BFAR: variants seen among roughly 807,000 people sequenced by gnomAD.
BFAR encodes the protein RING finger protein 47.
Under a neutral mutation model 54.4 loss-of-function variants are expected in BFAR, and 52 were observed. The ratio of observed to expected loss-of-function variants is 0.96; its 90% confidence interval spans 0.77 to 1.21. BFAR has a LOEUF of 1.21. Ranked by LOEUF, BFAR falls within the 50% of genes most tolerant of loss-of-function variation. The pLI is 0.00. For missense variants in BFAR, 571 were observed against 534.0 expected, an observed-to-expected ratio of 1.07 and a Z score of -0.68; for synonymous variants, 215 against 204.3, an observed-to-expected ratio of 1.05 and a Z score of -0.45.
Position 14,667,793 on chromosome 16 carries a change from A to G in BFAR, c.1319A>G (p.Lys440Arg), listed in dbSNP as rs1960485447. The part of the protein sequence containing the change: ...NPIINIDLVV[K>R]ELRRLETQVL ...ATTATTAACATTGATCTTGTGGTCA[A>G]GGAACTCCGGCGGCTGGAAACCCAG... The change falls in exon 8 of 8, where the codon AAG becomes AGG. Residue 440 changes from lysine (K) to arginine (R), a missense_variant. Coordinates refer to ENST00000261658, the MANE Select transcript of BFAR (RefSeq NM_016561.3). 1.2e-6 allele frequency: 2 copies of G among 1,614,204 alleles called. No individual in the cohort carries two copies. The highest frequency in any genetic ancestry group is 8.5e-7 in the Non-Finnish European group (1 of 1,180,038).
chr16:14,640,151 C>CAAAAAAAAAA (rs549719277), intron 1 of BFAR, among the ~76,000 whole-genome samples: 95 of 110,314 alleles, frequency 8.6e-4, no homozygotes, highest in African/African-American at 3.0e-3. Context: ...GACCTAGCTC[C>CAAAAAAAAAA]AAAAAAAAAA....
rs148848533 is a variant in BFAR, at chr16:14,660,920, G to C, written c.784-972G>C. ...TGTCTCAAAAAAATAAAAAAATTAAGAGACTGGGTCTTGCTTTGTTGCTCA... is the reference window on the plus strand; with the variant it reads ...TGTCTCAAAAAAATAAAAAAATTAACAGACTGGGTCTTGCTTTGTTGCTCA... On this transcript the variant is annotated intron_variant, in intron 5 of 7. Coordinates refer to ENST00000261658, the MANE Select transcript of BFAR (RefSeq NM_016561.3). 4.0e-3 allele frequency among the ~76,000 whole-genome samples: 613 copies of C among 151,834 alleles called. 6 individuals carry two copies. The highest frequency in any genetic ancestry group is 0.014 in the African/African-American group (577 of 41,434).
chr16:14,662,352 G>C (rs980332470), intron 6 of BFAR, among the ~76,000 whole-genome samples: 1 of 151,828 alleles, frequency 6.6e-6, no homozygotes, highest in African/African-American at 2.4e-5. Flanking sequence ...TTCCCCCAAA[G>C]ACCCTTGTAA....
chr16:14,644,231 A>G, intron 1 of BFAR, 43 bp from the exon 2 acceptor site: 1 of 1,070,738 alleles, frequency 9.3e-7, no homozygotes, highest in South Asian at 1.5e-5. Context: ...CTCTTCAAAC[A>G]ACTACTATTT....
rs1352256233 is a variant in BFAR, at chr16:14,644,689, CAG to C, written c.263+84_263+85del. 21 of 1,290,140 alleles carry C rather than the reference CAG, an allele frequency of 1.6e-5. No individual in the cohort carries two copies. In the African/African-American group the frequency reaches 3.1e-4, roughly 19 times the overall value. 79.9% of individuals were successfully genotyped at this position (1,290,140 alleles called of 1,614,324 possible). ...CTTGCTTTTTTTTTTTTTTTTTTAA[CAG>C]AGATGGCGTCTCGCTATGTTGCCCA... On this transcript the variant is annotated intron_variant, in intron 2 of 7. Coordinates refer to ENST00000261658, the MANE Select transcript of BFAR (RefSeq NM_016561.3).
chr16:14,637,318 G>C (rs2151834421), intron 1 of BFAR, among the ~76,000 whole-genome samples: 1 of 152,182 alleles, frequency 6.6e-6, no homozygotes, highest in Non-Finnish European at 1.5e-5. Context: ...TACTTTATCA[G>C]GATAATGGCG....
At chr16:14,634,190 T>C (rs1454101081) in intron 1 of BFAR, among the ~76,000 whole-genome samples, 5 of 152,216 alleles carry the variant, frequency 3.3e-5, no homozygotes, top group African/African-American at 7.2e-5. Context: ...AAATCGCCAA[T>C]AGGAAAGAGC....
At chr16:14,646,397 A>G (rs1959795883) in intron 2 of BFAR, among the ~76,000 whole-genome samples, 1 of 151,858 alleles carries the variant, frequency 6.6e-6, no homozygotes, top group Non-Finnish European at 1.5e-5. Flanking sequence ...AGTTTTGGCC[A>G]GGCTGGTCTC....
At chr16:14,644,635 A>G in intron 2 of BFAR, 26 bp downstream of exon 2, 4 of 1,596,572 alleles carry the variant, frequency 2.5e-6, no homozygotes, top group Non-Finnish European at 3.4e-6. Context: ...TATTGGTAGC[A>G]CAAACAGCCC....
chr16:14,638,904 C>A (rs1959535900), intron 1 of BFAR, among the ~76,000 whole-genome samples: 1 of 151,098 alleles, frequency 6.6e-6, no homozygotes, highest in African/African-American at 2.4e-5. Flanking sequence ...GAGATTGCAC[C>A]ACTGCACTGT....
At chr16:14,633,261 G>T (rs957970102) in intron 1 of BFAR, 1 of 152,292 alleles carries the variant, frequency 6.6e-6, no homozygotes, top group African/African-American at 2.4e-5. Flanking sequence ...CCGCACAGCC[G>T]GTCGCTGGGC....
At position 14,669,195 on chromosome 16, in the gene BFAR, T is replaced by C. The variant is rs1960529083; in HGVS notation, c.*1368T>C. 1 of 312,550 alleles carries C rather than the reference T, an allele frequency of 3.2e-6. No individual in the cohort carries two copies. Among genetic ancestry groups the C allele is most frequent in the Admixed American group, 4.0e-5 (1 of 25,052 alleles). The allele number at this position is 312,550 out of a possible 1,614,324, so 19.4% of individuals were successfully genotyped here. On this transcript the variant is annotated 3_prime_UTR_variant, in exon 8 of 8. Coordinates refer to ENST00000261658, the MANE Select transcript of BFAR (RefSeq NM_016561.3). ...GTTGCATCTGGAAGTTCGAAGAAAT[T>C]ACTTGAAATAAAAATAAAGATTTCT...
intron 5 of BFAR, among the ~76,000 whole-genome samples, chr16:14,657,999 G>A (rs1960176683): frequency 6.6e-6 from 1 of 152,204 alleles, no homozygotes; most frequent in Non-Finnish European, 1.5e-5. Flanking sequence ...GGGGCTACAG[G>A]CACAGGCTAC....
chr16:14,639,361 G>A (rs1399444449), intron 1 of BFAR, among the ~76,000 whole-genome samples: 2 of 151,808 alleles, frequency 1.3e-5, no homozygotes, highest in Non-Finnish European at 2.9e-5. Flanking sequence ...AGGCTGGAGT[G>A]CAGTGGTGCA....
At chr16:14,653,038 C>T (rs750215941) in intron 4 of BFAR, among the ~76,000 whole-genome samples, 1 of 152,160 alleles carries the variant, frequency 6.6e-6, no homozygotes, top group Middle Eastern at 3.2e-3. Context: ...AGAAATTCAC[C>T]TCCCGCAAAA....
chr16:14,650,063 C>T, intron 4 of BFAR, 90 bp downstream of exon 4: 5 of 1,359,412 alleles, frequency 3.7e-6, no homozygotes, highest in South Asian at 1.6e-5. Flanking sequence ...TGGCTCACAC[C>T]TGGATCCCAG....
At chr16:14,661,529 G>A (rs1960287789) in intron 5 of BFAR, among the ~76,000 whole-genome samples, 1 of 149,872 alleles carries the variant, frequency 6.7e-6, no homozygotes, top group Non-Finnish European at 1.5e-5. Context: ...AGCCTCCTGA[G>A]TAGCTGGGAC....
Position 14,668,281 on chromosome 16 carries a change from G to T in BFAR, c.*454G>T. ...CTCTAAGTCAAGTTTAGGAAAACAA[G>T]GATAAGATTCTGTCATAGGCATAGA... On this transcript the variant is annotated 3_prime_UTR_variant, in exon 8 of 8. Transcript: ENST00000261658. 1 of 166,172 alleles carries T rather than the reference G, an allele frequency of 6.0e-6. No individual in the cohort carries two copies. Among genetic ancestry groups the T allele is most frequent in the Admixed American group, 6.0e-5 (1 of 16,572 alleles). The allele number at this position is 166,172 out of a possible 1,614,324, so 10.3% of individuals were successfully genotyped here.
At chr16:14,637,835 AAAAAAAAAGTCATTTTTTTTT>A (rs1959500621) in intron 1 of BFAR, among the ~76,000 whole-genome samples, 4 of 152,066 alleles carry the variant, frequency 2.6e-5, no homozygotes, top group African/African-American at 9.7e-5. Flanking sequence ...TCTCAGAAAA[AAAAAAAAAGTCATTTTTTTTT>A]CCTGCAATGT....
Sources: gnomAD v4.1 joint callset for allele counts (sites outside exome capture counted in the v4.1 genomes callset) on GRCh38, gnomAD v4.1.1 for gene constraint, MANE v1.5 for transcripts, NCBI Gene and HGNC (gene_info 2026-07-23, HGNC 2026-07-21) for gene names.